Variants in XPO4 observed in about 807,000 individuals in gnomAD.
The protein encoded by XPO4 is exportin-4.
A neutral mutation model predicts 143.0 loss-of-function variants in XPO4; 39 were observed. That is an observed-to-expected ratio of 0.27 (90% confidence interval 0.21 to 0.36). XPO4 has a LOEUF of 0.36. Ranked by LOEUF, XPO4 falls within the 10% of genes least tolerant of loss-of-function variation. The pLI, the probability that XPO4 is intolerant of heterozygous loss-of-function variation, is 1.00. For missense variants in XPO4, 907 were observed against 1,348.0 expected (o/e 0.67, Z 5.12); for synonymous variants, 439 against 474.0 (o/e 0.93, Z 0.96).
chr13:20,865,212 C>T (rs1311105426), intron 2 of XPO4, among the ~76,000 whole-genome samples: 1 of 151,546 alleles, frequency 6.6e-6, no homozygotes, highest in Non-Finnish European at 1.5e-5. Flanking sequence ...AATCTCGGCT[C>T]ACCACAACCT....
At chr13:20,848,617 A>G in intron 4 of XPO4, 1 of 985,352 alleles carries the variant, frequency 1.0e-6, no homozygotes, top group Non-Finnish European at 1.2e-6. Flanking sequence ...AATTAAAATT[A>G]CTAAATGTGT....
intron 21 of XPO4, 66 bp from the exon 22 acceptor site, chr13:20,787,123 G>T: frequency 7.7e-7 from 1 of 1,295,986 alleles, no homozygotes; most frequent in Non-Finnish European, 1.1e-6. Context: ...TCCCTCCCCA[G>T]TCCAAAAAAG....
rs754956580 is a variant in XPO4, at chr13:20,821,847, T to G, written c.1030A>C (p.Ile344Leu). The G allele has an allele frequency of 3.1e-6, 5 of 1,613,838 alleles. No individual in the cohort carries two copies. The South Asian group carries it at 5.5e-5, about 18-fold the overall frequency. ...IEIEDSEAVG[I>L]SSIISNLITV... The stretch of plus-strand genomic sequence containing the variant: ...ATCAGGTTGCTGATAATGCTGGAGA[T>G]CCCCACAGCTTCAGAATCTTCTATT... The change falls in exon 9 of 23, where the codon ATC becomes CTC. Residue 344 changes from isoleucine (I) to leucine (L), a missense_variant. By Grantham distance (5) the Ile-to-Leu change is conservative (BLOSUM62 2). Coordinates refer to ENST00000255305, the MANE Select transcript of XPO4 (RefSeq NM_022459.5).
intron 4 of XPO4, chr13:20,850,037 C>T (rs1442314348): frequency 3.6e-6 from 3 of 841,702 alleles, no homozygotes; most frequent in South Asian, 5.4e-5. Context: ...ACCCAGGAGG[C>T]GGAGGTTGTA....
intron 6 of XPO4, among the ~76,000 whole-genome samples, chr13:20,832,518 CA>C (rs2059865638): frequency 6.6e-6 from 1 of 152,156 alleles, no homozygotes; most frequent in Non-Finnish European, 1.5e-5. Flanking sequence ...GATCTTGTAG[CA>C]ACAATGGGCA....
chr13:20,835,806 C>G (rs892115510), intron 6 of XPO4, among the ~76,000 whole-genome samples: 3 of 152,174 alleles, frequency 2.0e-5, no homozygotes, highest in African/African-American at 4.8e-5. Flanking sequence ...TCCTCCACTT[C>G]TGTCTCTACT....
chr13:20,808,082 C>G (rs1022762191), intron 12 of XPO4, among the ~76,000 whole-genome samples: 1 of 152,068 alleles, frequency 6.6e-6, no homozygotes, highest in Admixed American at 6.6e-5. Context: ...CATTCTGGCT[C>G]TAAAAATTAA....
intron 7 of XPO4, among the ~76,000 whole-genome samples, chr13:20,823,223 T>G (rs1350162781): frequency 6.6e-6 from 1 of 152,212 alleles, no homozygotes; most frequent in African/African-American, 2.4e-5. Flanking sequence ...TTTGTAAATG[T>G]TGTGTAACAT....
intron 1 of XPO4, among the ~76,000 whole-genome samples, chr13:20,891,275 A>G (rs1437169476): frequency 1.3e-5 from 2 of 152,126 alleles, no homozygotes; most frequent in African/African-American, 4.8e-5. Context: ...CACATTGGAG[A>G]GAGCAGATAA....
rs552404818 is a variant in XPO4 at position 20,870,945 on chromosome 13, G to A, written c.70-2244C>T. Among the ~76,000 whole-genome samples, 3 of 151,958 alleles carry A rather than the reference G, an allele frequency of 2.0e-5. No individual in the cohort carries two copies. In the South Asian group the frequency reaches 6.2e-4, roughly 32 times the overall value. On this transcript the variant is annotated intron_variant, in intron 1 of 22. Transcript: ENST00000255305. Reference sequence around the variant, plus strand: ...CCTGCCTCAGTCTCCTCAGTAGCTGGGACTACAGGCATGCGCCAAGCCCAG... The same window carrying A: ...CCTGCCTCAGTCTCCTCAGTAGCTGAGACTACAGGCATGCGCCAAGCCCAG...
At chr13:20,792,266 C>A (rs538747939) in intron 18 of XPO4, among the ~76,000 whole-genome samples, 1 of 152,162 alleles carries the variant, frequency 6.6e-6, no homozygotes, top group Non-Finnish European at 1.5e-5. Context: ...GCCAACATGG[C>A]AAAACCCCAT....
rs117237335 is a variant in XPO4 at position 20,866,493 on chromosome 13, G to A, written c.175+2103C>T. 2,909 of 591,694 alleles carry A rather than the reference G, an allele frequency of 4.9e-3. 13 individuals carry two copies. Among genetic ancestry groups the A allele is most frequent in the Non-Finnish European group, 5.9e-3 (2,787 of 468,726 alleles). The allele number at this position is 591,694 out of a possible 1,614,324, so 36.7% of individuals were successfully genotyped here. On this transcript the variant is annotated intron_variant, in intron 2 of 22. Transcript: ENST00000255305. ...AATGTGAAAATTCTGAACTGCGATT[G>A]ACTGCCACTTGTATGAGAAGTCTTC...
chr13:20,859,076 A>G (rs2060171874), intron 3 of XPO4, among the ~76,000 whole-genome samples: 1 of 151,800 alleles, frequency 6.6e-6, no homozygotes, highest in Non-Finnish European at 1.5e-5. Flanking sequence ...TCATTCCTGC[A>G]ATCCCAGCCC....
chr13:20,861,880 C>T (rs982404598), intron 3 of XPO4, among the ~76,000 whole-genome samples: 2 of 148,608 alleles, frequency 1.3e-5, no homozygotes, highest in African/African-American at 2.5e-5. Context: ...CCTCTGCCTC[C>T]CAGGTTAAAG....
In XPO4 at chr13:20,800,387, C is replaced by A. The variant is rs2059416224; in HGVS notation, c.1978-62G>T. 6 of 1,450,726 alleles carry A rather than the reference C, an allele frequency of 4.1e-6. No homozygotes were observed. Among genetic ancestry groups the A allele is most frequent in the Non-Finnish European group, 5.6e-6 (6 of 1,066,032 alleles). The allele number at this position is 1,450,726 out of a possible 1,614,324, so 89.9% of individuals were successfully genotyped here. ...AAAGATCAACTCAAGAAAAAAAAAA[C>A]AGAGAAAAATCGAACTGAAATTAGT... On this transcript the variant is annotated intron_variant, in intron 14 of 22. Transcript: ENST00000255305.
chr13:20,855,099 T>C (rs990107511), intron 4 of XPO4, among the ~76,000 whole-genome samples: 5 of 152,120 alleles, frequency 3.3e-5, no homozygotes, highest in African/African-American at 7.2e-5. Context: ...TATGGCAACA[T>C]GGAAAATACA....
At chr13:20,838,138 T>C (rs948376400) in intron 6 of XPO4, among the ~76,000 whole-genome samples, 2 of 152,190 alleles carry the variant, frequency 1.3e-5, no homozygotes, top group African/African-American at 4.8e-5. Context: ...AAGAACACTG[T>C]AATACAAGCT....
intron 4 of XPO4, chr13:20,852,042 T>C: frequency 1.0e-6 from 1 of 985,390 alleles, no homozygotes; most frequent in Non-Finnish European, 1.2e-6. Context: ...CAAGGGACTC[T>C]TGACCCTTCG....
chr13:20,874,343 T>C (rs2060331598), intron 1 of XPO4, among the ~76,000 whole-genome samples: 1 of 152,164 alleles, frequency 6.6e-6, no homozygotes, highest in South Asian at 2.1e-4. Context: ...CATTTAAGGA[T>C]TTCTTAGGTT....
Sources: allele counts gnomAD v4.1 joint callset (sites outside exome capture counted in the v4.1 genomes callset), GRCh38; gene constraint gnomAD v4.1.1; transcripts MANE v1.5; gene names NCBI Gene and HGNC (gene_info 2026-07-23, HGNC 2026-07-21).